CNTN6: variants seen among roughly 807,000 people sequenced by gnomAD.
CNTN6 encodes contactin 6.
Under a neutral mutation model 122.8 loss-of-function variants are expected in CNTN6, and 137 were observed. That is an observed-to-expected ratio of 1.12 (90% CI 0.97 to 1.29). The LOEUF (loss-of-function observed/expected upper bound fraction) is 1.29, where lower values mean the gene tolerates loss of function less well. Ranked by LOEUF, CNTN6 falls within the 50% of genes most tolerant of loss-of-function variation. The probability of loss-of-function intolerance (pLI) is 0.00; values close to 1 mark genes in which losing one functional copy is unlikely to be tolerated. For synonymous variants in CNTN6, 570 were observed against 426.0 expected (o/e 1.34, Z -4.16); for missense variants, 1,634 against 1,223.4 (o/e 1.34, Z -5.01).
At chr3:1,343,519 A>T (rs17038013) in intron 11 of CNTN6, among the ~76,000 whole-genome samples, 2,229 of 152,214 alleles carry the variant, frequency 0.015, 61 homozygotes, top group African/African-American at 0.051. Flanking sequence ...CTGTTAGGGG[A>T]CTGAATTGAT....
rs1709954955 is a variant in CNTN6 at position 1,376,987 on chromosome 3, T to C, written c.2096-18T>C. 6.4e-7 allele frequency: 1 copy of C among 1,561,914 alleles called. No individual in the cohort carries two copies. The highest frequency in any genetic ancestry group is 1.9e-5 in the Admixed American group (1 of 52,982). On this transcript the variant is annotated intron_variant, in intron 16 of 22. Coordinates refer to ENST00000446702, the MANE Select transcript of CNTN6 (RefSeq NM_001289080.2). ...ACTTTAATAATTGCCATCCCACATT[T>C]CTCTTGGTTATTTTTAGTCCCTGTT...
chr3:1,350,195 G>A (rs973164176), intron 11 of CNTN6, among the ~76,000 whole-genome samples: 1 of 151,714 alleles, frequency 6.6e-6, no homozygotes, highest in Non-Finnish European at 1.5e-5. Flanking sequence ...ACAGTGCATA[G>A]GGTGTCTTGT....
intron 12 of CNTN6, among the ~76,000 whole-genome samples, chr3:1,353,841 A>C (rs1357173980): frequency 1.3e-5 from 2 of 151,680 alleles, no homozygotes; most frequent in African/African-American, 2.4e-5. Flanking sequence ...GGTATGGAAA[A>C]ATCCAGAGGG....
At chr3:1,346,163 A>C (rs897466366) in intron 11 of CNTN6, among the ~76,000 whole-genome samples, 3 of 152,134 alleles carry the variant, frequency 2.0e-5, no homozygotes, top group African/African-American at 7.2e-5. Flanking sequence ...AGGATTGGGT[A>C]GATATTAGAT....
At chr3:1,214,247 T>A (rs2094093223) in intron 2 of CNTN6, among the ~76,000 whole-genome samples, 1 of 151,640 alleles carries the variant, frequency 6.6e-6, no homozygotes, top group African/African-American at 2.4e-5. Flanking sequence ...CATATTAGCT[T>A]TTTTATATTA....
At chr3:1,219,509 C>T (rs2094176387) in intron 2 of CNTN6, among the ~76,000 whole-genome samples, 1 of 152,104 alleles carries the variant, frequency 6.6e-6, no homozygotes. Flanking sequence ...TTTTGAACAT[C>T]TTTATAGACC....
chr3:1,240,157 A>G (rs534407830), intron 4 of CNTN6, among the ~76,000 whole-genome samples: 1 of 152,320 alleles, frequency 6.6e-6, no homozygotes, highest in South Asian at 2.1e-4. Flanking sequence ...CAACAAAAAC[A>G]AAGATAAATA....
chr3:1,384,892 C>T (rs1197385883), intron 19 of CNTN6, among the ~76,000 whole-genome samples: 3 of 150,506 alleles, frequency 2.0e-5, no homozygotes, highest in Non-Finnish European at 3.0e-5. Context: ...TTTTCCACTC[C>T]ATGCCAAGAA....
chr3:1,295,935 T>A, intron 6 of CNTN6, 131 bp downstream of exon 6: 1 of 716,520 alleles, frequency 1.4e-6, no homozygotes, highest in Non-Finnish European at 2.3e-6. Flanking sequence ...TTCACAAATA[T>A]GTAAACCAGA....
At chr3:1,239,399 A>G (rs1403352935) in intron 4 of CNTN6, among the ~76,000 whole-genome samples, 1 of 151,958 alleles carries the variant, frequency 6.6e-6, no homozygotes, top group Non-Finnish European at 1.5e-5. Flanking sequence ...AATCAAATCA[A>G]GAACTCCACC....
chr3:1,267,900 G>A (rs74687312), intron 4 of CNTN6, among the ~76,000 whole-genome samples: 1 of 150,122 alleles, frequency 6.7e-6, no homozygotes, highest in Non-Finnish European at 1.5e-5. Context: ...AAAAAAACAC[G>A]TCCCTTGATG....
chr3:1,194,520 T>A (rs2093748125), intron 2 of CNTN6, among the ~76,000 whole-genome samples: 1 of 152,178 alleles, frequency 6.6e-6, no homozygotes, highest in African/African-American at 2.4e-5. Flanking sequence ...TGTATTATTG[T>A]AATCTGCTGT....
chr3:1,325,030 T>TC (rs905605083), intron 8 of CNTN6, among the ~76,000 whole-genome samples: 6 of 151,856 alleles, frequency 4.0e-5, no homozygotes, highest in African/African-American at 1.5e-4. Flanking sequence ...AATTGGCACC[T>TC]CCAGGCAGTT....
At chr3:1,385,057 C>CTTAT (rs1692652270) in intron 19 of CNTN6, among the ~76,000 whole-genome samples, 1 of 151,882 alleles carries the variant, frequency 6.6e-6, no homozygotes, top group African/African-American at 2.4e-5. Context: ...CATTCTGTGA[C>CTTAT]TTATTTTCAC....
intron 4 of CNTN6, among the ~76,000 whole-genome samples, chr3:1,245,844 C>T (rs1306170617): frequency 2.0e-5 from 3 of 151,914 alleles, no homozygotes; most frequent in East Asian, 3.9e-4. Flanking sequence ...CTTTTGGCTT[C>T]CCTGGGCTAC....
chr3:1,271,999 G>C (rs946200725), intron 4 of CNTN6, among the ~76,000 whole-genome samples: 1 of 152,046 alleles, frequency 6.6e-6, no homozygotes, highest in Non-Finnish European at 1.5e-5. Flanking sequence ...TTGAATCATG[G>C]GGGCAGGTTT....
chr3:1,300,050 C>T (rs1696931017), intron 7 of CNTN6, among the ~76,000 whole-genome samples: 1 of 151,998 alleles, frequency 6.6e-6, no homozygotes, highest in South Asian at 2.1e-4. Flanking sequence ...GATCTCAGCT[C>T]ACTGCAAGCT....
chr3:1,330,582 A>C (rs1702150924), intron 11 of CNTN6, among the ~76,000 whole-genome samples: 1 of 151,930 alleles, frequency 6.6e-6, no homozygotes, highest in Non-Finnish European at 1.5e-5. Context: ...TAGACCACAG[A>C]TGCTGCTCTC....
chr3:1,101,367 C>T (rs955596983), intron 1 of CNTN6, among the ~76,000 whole-genome samples: 1 of 152,166 alleles, frequency 6.6e-6, no homozygotes, highest in Admixed American at 6.5e-5. Flanking sequence ...CATTTAACCT[C>T]GGCTATGTGT....
Sources: gnomAD v4.1 joint callset for allele counts (sites outside exome capture counted in the v4.1 genomes callset) on GRCh38, gnomAD v4.1.1 for gene constraint, MANE v1.5 for transcripts, NCBI Gene and HGNC (gene_info 2026-07-23, HGNC 2026-07-21) for gene names.